The following PSMA3 variants were observed in gnomAD, a reference collection of about 807,000 sequenced individuals.
PSMA3 encodes proteasome subunit alpha type-3.
In PSMA3, 8 loss-of-function variants were observed where a neutral mutation model predicts 40.0. That is an observed-to-expected ratio of 0.20 (90% CI 0.12 to 0.36). The LOEUF is 0.36. Among genes scored for constraint, PSMA3 ranks in the 10% least tolerant of loss-of-function variants. The probability of loss-of-function intolerance (pLI) is 1.00; values close to 1 mark genes in which losing one functional copy is unlikely to be tolerated. For missense variants in PSMA3, 219 were observed against 310.6 expected (o/e 0.70, Z 2.22); for synonymous variants, 110 against 100.0 (o/e 1.10, Z -0.59).
intron 10 of PSMA3, 38 bp downstream of exon 10, chr14:58,271,036 A>G (rs1213930406): frequency 6.6e-7 from 1 of 1,505,168 alleles, no homozygotes; most frequent in Non-Finnish European, 9.2e-7. Context: ...GGCCAGGTAC[A>G]GTCAGGGAAT....
chr14:58,256,481 C>T (rs1308133066), intron 3 of PSMA3, among the ~76,000 whole-genome samples: 1 of 146,820 alleles, frequency 6.8e-6, no homozygotes, highest in African/African-American at 2.5e-5. Context: ...GTGGCGCGAT[C>T]TCGGCTCACT....
At chr14:58,249,522 T>G (rs193077114) in intron 2 of PSMA3, among the ~76,000 whole-genome samples, 3,906 of 152,084 alleles carry the variant, frequency 0.026, 62 homozygotes, top group Middle Eastern at 0.037. Flanking sequence ...AAACTTTTTT[T>G]GGGGGCAGGA....
chr14:58,263,550 T>C (rs1890343610), intron 6 of PSMA3, 155 bp from the exon 7 acceptor site: 7 of 533,430 alleles, frequency 1.3e-5, no homozygotes, highest in Non-Finnish European at 6.5e-6. Context: ...TTTGAGCCCT[T>C]TGGCATTCAT....
intron 7 of PSMA3, 24 bp downstream of exon 7, chr14:58,263,794 T>C: frequency 6.3e-7 from 1 of 1,599,876 alleles, no homozygotes; most frequent in Non-Finnish European, 8.6e-7. Context: ...CTTGAATTTT[T>C]ACTATGTCGT....
intron 1 of PSMA3, among the ~76,000 whole-genome samples, chr14:58,247,255 A>G (rs911318854): frequency 6.6e-6 from 1 of 152,154 alleles, no homozygotes; most frequent in African/African-American, 2.4e-5. Flanking sequence ...TTTCTGATTT[A>G]CTGCTGTACC....
Position 58,244,884 on chromosome 14 carries a change from G to A in PSMA3, c.-37G>A, listed in dbSNP as rs201941830. The A allele has an allele frequency of 3.8e-4, 617 of 1,614,162 alleles. 1 individual carries two copies. Among genetic ancestry groups the A allele is most frequent in the South Asian group, 3.7e-3 (340 of 91,080 alleles). On this transcript the variant is annotated 5_prime_UTR_variant, in exon 1 of 11. Transcript: ENST00000216455. ...CTGTGGTATAGGGGAAGCGCTCCGG[G>A]CCTGGAATCCCTACGCGTCCCTTTG...
chr14:58,252,855 C>G (rs1890043626), intron 3 of PSMA3, among the ~76,000 whole-genome samples: 3 of 152,082 alleles, frequency 2.0e-5, no homozygotes, highest in South Asian at 4.1e-4. Flanking sequence ...GATTCTAACC[C>G]TGCCACCTGA....
At chr14:58,260,913 G>T in intron 5 of PSMA3, 35 bp from the exon 6 acceptor site, 1 of 1,446,188 alleles carries the variant, frequency 6.9e-7, no homozygotes, top group Non-Finnish European at 9.5e-7. Context: ...TTATGTTATT[G>T]CCATGGTTTA....
At chr14:58,257,557 TACTA>T (rs1173387286) in intron 3 of PSMA3, among the ~76,000 whole-genome samples, 184 bp from the exon 4 acceptor site, 1 of 152,114 alleles carries the variant, frequency 6.6e-6, no homozygotes, top group African/African-American at 2.4e-5. Flanking sequence ...AAGTTATACT[TACTA>T]AATTTCTAAA....
chr14:58,245,068 T>C, intron 1 of PSMA3, 127 bp downstream of exon 1: 2 of 1,238,504 alleles, frequency 1.6e-6, no homozygotes, highest in Non-Finnish European at 2.4e-6. Flanking sequence ...GTGGGCCATT[T>C]GCAGCTGTTT....
intron 5 of PSMA3, among the ~76,000 whole-genome samples, chr14:58,259,279 T>G (rs573697895): frequency 2.6e-5 from 4 of 152,280 alleles, no homozygotes; most frequent in African/African-American, 9.6e-5. Flanking sequence ...GGAGTAAGAA[T>G]AGTAGAGATA....
chr14:58,271,957 C>A lies in PSMA3; in HGVS notation c.*62C>A. 8.0e-7 allele frequency: 1 copy of A among 1,246,110 alleles called. No homozygotes were observed. The highest frequency in any genetic ancestry group is 1.2e-5 in the South Asian group (1 of 80,342). The allele number at this position is 1,246,110 out of a possible 1,614,324, so 77.2% of individuals were successfully genotyped here. A position where few individuals can be genotyped will look rare whatever the true frequency, so the allele number is the denominator to read the frequency against. ...CTCCAGTCCAATGTAACTATTTAGC[C>A]CTGGATTATACATACTGTCCAATTT... is the stretch of plus-strand genomic sequence containing the variant. On this transcript the variant is annotated 3_prime_UTR_variant, in exon 11 of 11. Transcript: ENST00000216455.
intron 6 of PSMA3, 67 bp downstream of exon 6, chr14:58,261,087 C>A: frequency 2.9e-6 from 3 of 1,044,376 alleles, no homozygotes; most frequent in East Asian, 2.6e-5. Context: ...ATTTAAGTCT[C>A]ATTATAAGAT....
intron 5 of PSMA3, chr14:58,258,226 C>T (rs1216634176): frequency 1.1e-5 from 5 of 446,172 alleles, no homozygotes; most frequent in Non-Finnish European, 2.0e-5. Context: ...TCCCTCGCGC[C>T]CAGGAGTATG....
At chr14:58,260,887 T>G in intron 5 of PSMA3, 61 bp from the exon 6 acceptor site, 1 of 1,240,370 alleles carries the variant, frequency 8.1e-7, no homozygotes, top group East Asian at 2.4e-5. Flanking sequence ...TTAAAATAAT[T>G]TTTTCACAAA....
chr14:58,265,294 C>T (rs1373930283), intron 7 of PSMA3: 3 of 152,008 alleles, frequency 2.0e-5, no homozygotes, highest in Non-Finnish European at 4.4e-5. Flanking sequence ...ATATTTAGAG[C>T]AGTTACTATC....
At chr14:58,271,726 G>GTTCA in intron 10 of PSMA3, 125 bp from the exon 11 acceptor site, 1 of 687,070 alleles carries the variant, frequency 1.5e-6, no homozygotes, top group Non-Finnish European at 2.6e-6. Context: ...TTCTGAAACT[G>GTTCA]TTCATTCAGT....
At chr14:58,267,621 T>A in intron 8 of PSMA3, 101 bp downstream of exon 8, 1 of 1,310,648 alleles carries the variant, frequency 7.6e-7, no homozygotes, top group Non-Finnish European at 9.8e-7. Context: ...GTAAAATAAC[T>A]TAGTGTATAA....
intron 7 of PSMA3, chr14:58,264,552 G>C (rs1890379090): frequency 6.6e-6 from 1 of 152,108 alleles, no homozygotes; most frequent in African/African-American, 2.4e-5. Flanking sequence ...TCAGTGTTTT[G>C]GTAAACTGAA....
Sources: gnomAD v4.1 joint callset for allele counts (sites outside exome capture counted in the v4.1 genomes callset) on GRCh38, gnomAD v4.1.1 for gene constraint, MANE v1.5 for transcripts, NCBI Gene and HGNC (gene_info 2026-07-23, HGNC 2026-07-21) for gene names.